The following HGD variants were observed in gnomAD, a reference collection of about 807,000 sequenced individuals.
The protein encoded by HGD is homogentisate oxidase.
In HGD, 61 loss-of-function variants were observed where a neutral mutation model predicts 60.8. That is an observed-to-expected ratio of 1.00 (90% CI 0.82 to 1.24). The LOEUF (loss-of-function observed/expected upper bound fraction) is 1.24. HGD is among the 50% of genes most tolerant of loss of function. The pLI is 0.00. For synonymous variants in HGD, 212 were observed against 187.7 expected (o/e 1.13, Z -1.06); for missense variants, 542 against 547.1 (o/e 0.99, Z 0.09).
intron 13 of HGD, among the ~76,000 whole-genome samples, chr3:120,631,613 G>A (rs987024434): frequency 6.6e-6 from 1 of 152,116 alleles, no homozygotes; most frequent in Non-Finnish European, 1.5e-5. Flanking sequence ...CTCTCCATTT[G>A]GCTGGATTAA....
intron 4 of HGD, among the ~76,000 whole-genome samples, chr3:120,662,187 C>T (rs1707787484): frequency 6.6e-6 from 1 of 152,028 alleles, no homozygotes; most frequent in African/African-American, 2.4e-5. Context: ...TGGAAGCCTG[C>T]ACTGGATTGG....
intron 13 of HGD, 130 bp from the exon 14 acceptor site, chr3:120,628,659 G>T: frequency 1.8e-6 from 2 of 1,086,420 alleles, no homozygotes; most frequent in Non-Finnish European, 2.7e-6. Context: ...GTGTGCTAGA[G>T]TGGTGAGGAG....
rs1257312708 is a variant in HGD, at chr3:120,644,299, T to G, written c.774+20A>C. ...ATCACTCTTCATTTCCTCCCTTGCC[T>G]GCCAACCCTTTTACTTTACCTGTTT... On this transcript the variant is annotated intron_variant, in intron 10 of 13. Transcript: ENST00000283871. 5 of 1,613,662 alleles carry G rather than the reference T, an allele frequency of 3.1e-6. No homozygotes were observed. The highest frequency in any genetic ancestry group is 1.7e-5 in the Admixed American group (1 of 60,004).
rs1395184013 is a variant in HGD, at chr3:120,644,652, T to C, written c.650-209A>G. 2.0e-6 allele frequency: 3 copies of C among 1,514,476 alleles called. No homozygotes were observed. In the Admixed American group the frequency reaches 5.9e-5, roughly 30 times the overall value. 93.8% of individuals were successfully genotyped at this position (1,514,476 alleles called of 1,614,324 possible). On this transcript the variant is annotated intron_variant, in intron 9 of 13. Coordinates refer to ENST00000283871, the MANE Select transcript of HGD (RefSeq NM_000187.4). ...GAAAAAAATTCACAAAAACCAGCAT[T>C]ACTTTCTAAGGTTGTGGAGTGACTA... is the stretch of plus-strand genomic sequence containing the variant.
chr3:120,667,317 C>A (rs1707920841), intron 4 of HGD, among the ~76,000 whole-genome samples: 1 of 104,380 alleles, frequency 9.6e-6, no homozygotes. Flanking sequence ...CAGGGTGAGA[C>A]TCTTGTCTCA....
intron 4 of HGD, among the ~76,000 whole-genome samples, chr3:120,652,932 C>G (rs1265286156): frequency 6.6e-6 from 1 of 152,112 alleles, no homozygotes; most frequent in Non-Finnish European, 1.5e-5. Context: ...AAAATAAAAC[C>G]ATTGCTTCCT....
chr3:120,674,855 C>A, intron 3 of HGD, 46 bp downstream of exon 3: 1 of 1,310,678 alleles, frequency 7.6e-7, no homozygotes, highest in South Asian at 1.2e-5. Context: ...AAGTCCCTGT[C>A]ATAGTACCCA....
chr3:120,670,182 A>G (rs1314501067), intron 4 of HGD: 5 of 532,888 alleles, frequency 9.4e-6, no homozygotes, highest in Non-Finnish European at 1.4e-5. Context: ...AGCCATGCAG[A>G]ACTGTGAGTC....
chr3:120,679,769 T>C (rs947707250), intron 1 of HGD, among the ~76,000 whole-genome samples: 16 of 152,022 alleles, frequency 1.1e-4, no homozygotes, highest in Admixed American at 6.6e-5. Context: ...GGAAACAGAA[T>C]CCATGGAAAA....
chr3:120,657,206 G>C (rs1299503806), intron 4 of HGD, among the ~76,000 whole-genome samples: 3 of 152,240 alleles, frequency 2.0e-5, no homozygotes, highest in Middle Eastern at 3.4e-3. Flanking sequence ...CTAGAAATGA[G>C]GTGGTCAAAA....
intron 13 of HGD, among the ~76,000 whole-genome samples, chr3:120,632,306 G>A (rs1180684732): frequency 6.6e-6 from 1 of 152,152 alleles, no homozygotes; most frequent in African/African-American, 2.4e-5. Context: ...TAGCATTGAA[G>A]GCATTTATTT....
intron 3 of HGD, among the ~76,000 whole-genome samples, chr3:120,672,267 T>G (rs1342867807): frequency 6.6e-6 from 1 of 152,160 alleles, no homozygotes; most frequent in East Asian, 1.9e-4. Context: ...AAGTGTGTCC[T>G]CTCTACCAGG....
chr3:120,664,154 T>C (rs1248469527), intron 4 of HGD, among the ~76,000 whole-genome samples: 1 of 152,020 alleles, frequency 6.6e-6, no homozygotes, highest in Non-Finnish European at 1.5e-5. Context: ...GCAGGTATCA[T>C]TTTCTAGAGG....
chr3:120,647,168 T>C (rs1240687114), intron 7 of HGD, 116 bp from the exon 8 acceptor site: 8 of 778,284 alleles, frequency 1.0e-5, no homozygotes, highest in Middle Eastern at 2.4e-4. Flanking sequence ...AAGAGCTTTA[T>C]TGAGTCTCTT....
intron 4 of HGD, among the ~76,000 whole-genome samples, chr3:120,653,148 G>C (rs1576301618): frequency 6.6e-6 from 1 of 152,266 alleles, no homozygotes; most frequent in East Asian, 1.9e-4. Flanking sequence ...GAAAGAAAGA[G>C]CACCCAGCTG....
At chr3:120,653,027 A>C (rs1941390408) in intron 4 of HGD, among the ~76,000 whole-genome samples, 1 of 152,194 alleles carries the variant, frequency 6.6e-6, no homozygotes, top group African/African-American at 2.4e-5. Context: ...TGCTATTTAT[A>C]ATCAGGTCCC....
intron 11 of HGD, among the ~76,000 whole-genome samples, chr3:120,641,227 T>C (rs1446399243): frequency 3.3e-5 from 5 of 152,166 alleles, no homozygotes; most frequent in Admixed American, 3.3e-4. Flanking sequence ...CAGGGACTTC[T>C]CCAAATTCAT....
chr3:120,675,959 C>A, intron 1 of HGD, 96 bp from the exon 2 acceptor site: 2 of 857,622 alleles, frequency 2.3e-6, no homozygotes, highest in Non-Finnish European at 2.0e-6. Flanking sequence ...TCTATATGGA[C>A]CTATGTTTGT....
intron 11 of HGD, among the ~76,000 whole-genome samples, chr3:120,638,801 G>T (rs772392178): frequency 6.6e-6 from 1 of 152,206 alleles, no homozygotes; most frequent in Non-Finnish European, 1.5e-5. Flanking sequence ...GATATGGTTT[G>T]GTTGTGTCCC....
Sources: allele counts gnomAD v4.1 joint callset (sites outside exome capture counted in the v4.1 genomes callset), GRCh38; gene constraint gnomAD v4.1.1; transcripts MANE v1.5; gene names NCBI Gene and HGNC (gene_info 2026-07-23, HGNC 2026-07-21).